The following FAM13B variants were observed in gnomAD, a reference collection of about 807,000 sequenced individuals.
The protein encoded by FAM13B is protein FAM13B.
In FAM13B, 60 loss-of-function variants were observed where a neutral mutation model predicts 117.3. The observed-to-expected ratio is 0.51, with a 90% CI of 0.42 to 0.63. The LOEUF (loss-of-function observed/expected upper bound fraction) is 0.63. Among genes scored for constraint, FAM13B ranks in the 30% least tolerant of loss-of-function variants. The pLI is 0.00. For missense variants in FAM13B, 972 were observed against 1,091.9 expected, an observed-to-expected ratio of 0.89 and a Z score of 1.55; for synonymous variants, 332 against 356.1, an observed-to-expected ratio of 0.93 and a Z score of 0.76.
In FAM13B at chr5:138,018,465, T is replaced by C. The variant is rs1403402296; in HGVS notation, c.207A>G (p.Thr69=). The C allele has an allele frequency of 3.1e-6, 5 of 1,614,188 alleles. No individual in the cohort carries two copies. Among genetic ancestry groups the C allele is most frequent in the Non-Finnish European group, 3.4e-6 (4 of 1,180,036 alleles). The change falls in exon 4 of 24, where the codon ACA becomes ACG. Residue 69 remains threonine (T), a synonymous_variant. Coordinates refer to ENST00000689681, the MANE Select transcript of FAM13B (RefSeq NM_001385994.1). ...CGTATCTCTGCCGAAGCCACTCCAC[T>C]GTCTCAGCATTTCCATTGACTTGAA... ...GLFQVNGNAE[T]VEWLRQRYDS...
At position 137,982,092 on chromosome 5, in the gene FAM13B, G is replaced by T. The variant is rs150920738; in HGVS notation, c.1179+3165C>A. ...GCACTGGAAGGTTTTAGGAAGAGAA[G>T]TGGCATTATCTAATTTTCCTCTTAA... On this transcript the variant is annotated intron_variant, in intron 10 of 23. Transcript: ENST00000689681. 7.4e-3 allele frequency among the ~76,000 whole-genome samples: 1,120 copies of T among 152,336 alleles called. 2 individuals are homozygous for T. The highest frequency in any genetic ancestry group is 0.012 in the Non-Finnish European group (785 of 68,038).
intron 1 of FAM13B, among the ~76,000 whole-genome samples, chr5:138,021,597 T>C (rs1356827124): frequency 6.6e-6 from 1 of 152,232 alleles, no homozygotes; most frequent in Admixed American, 6.5e-5. Flanking sequence ...AAAGATATGA[T>C]TTAAGCTTGC....
At chr5:138,014,200 G>A (rs758728120) in intron 4 of FAM13B, among the ~76,000 whole-genome samples, 1 of 152,214 alleles carries the variant, frequency 6.6e-6, no homozygotes, top group Non-Finnish European at 1.5e-5. Context: ...GCCTCCCAAA[G>A]TGCTGGGATT....
chr5:137,939,954 T>A lies in FAM13B; in HGVS notation c.*271A>T. The A allele has an allele frequency of 3.5e-6, 5 of 1,427,440 alleles. No homozygotes were observed. The highest frequency in any genetic ancestry group is 4.6e-6 in the Non-Finnish European group (5 of 1,088,836). 88.4% of individuals were successfully genotyped at this position (1,427,440 alleles called of 1,614,324 possible). A position where few individuals can be genotyped will look rare whatever the true frequency, so the allele number is the denominator to read the frequency against. ...AAATTCCAGTCTTTTGCTAAAAGGA[T>A]GTATCTGTAGTACAAAACAATGAAG... On this transcript the variant is annotated 3_prime_UTR_variant, in exon 24 of 24. Coordinates refer to ENST00000689681, the MANE Select transcript of FAM13B (RefSeq NM_001385994.1).
chr5:137,991,771 C>G (rs757680680), intron 7 of FAM13B, among the ~76,000 whole-genome samples: 2 of 152,046 alleles, frequency 1.3e-5, no homozygotes. Context: ...GAGATAAAAT[C>G]AATTCTGGGT....
chr5:137,975,001 G>A (rs1436739570), intron 10 of FAM13B, among the ~76,000 whole-genome samples: 2 of 151,770 alleles, frequency 1.3e-5, no homozygotes, highest in South Asian at 2.1e-4. Context: ...CATTTCTTAC[G>A]GTTTTTTCTG....
At chr5:138,010,518 T>C (rs1783709209) in intron 6 of FAM13B, among the ~76,000 whole-genome samples, 1 of 152,354 alleles carries the variant, frequency 6.6e-6, no homozygotes, top group South Asian at 2.1e-4. Context: ...GTCACCAGAA[T>C]TTAAAAATTA....
intron 7 of FAM13B, 108 bp from the exon 8 acceptor site, chr5:137,988,423 C>CATACT (rs1777779310): frequency 1.3e-6 from 1 of 758,008 alleles, no homozygotes; most frequent in African/African-American, 1.9e-5. Flanking sequence ...CAGGAGAGCA[C>CATACT]ATACTAAGTG....
chr5:138,010,094 C>T (rs1011982766), intron 6 of FAM13B, among the ~76,000 whole-genome samples: 4 of 152,164 alleles, frequency 2.6e-5, no homozygotes, highest in Admixed American at 2.6e-4. Context: ...AATTCTCCTG[C>T]CTCAGCCTCT....
chr5:137,957,665 T>A (rs573328031), intron 13 of FAM13B, among the ~76,000 whole-genome samples: 2 of 152,266 alleles, frequency 1.3e-5, no homozygotes, highest in South Asian at 4.1e-4. Flanking sequence ...CATGCACAGT[T>A]CATGGCTGGG....
intron 10 of FAM13B, among the ~76,000 whole-genome samples, chr5:137,975,678 T>A (rs915300918): frequency 8.7e-5 from 13 of 149,076 alleles, no homozygotes; most frequent in African/African-American, 3.1e-4. Context: ...CTTAAAAAAA[T>A]ATTCTATATA....
At position 138,011,793 on chromosome 5, in the gene FAM13B, C is replaced by T; in HGVS notation, c.523G>A (p.Ala175Thr). The change falls in exon 5 of 24, where the codon GCT becomes ACT. Residue 175 changes from alanine (A) to threonine (T), a missense_variant. Transcript: ENST00000689681. ...EEIWSANSLAAVFGPDVFHIY... is the reference protein window; with the variant it reads ...EEIWSANSLATVFGPDVFHIY... ...TGGAAGACATCTGGACCAAAGACAG[C>T]AGCCAAAGAATTTGCGGACCAAATT... 6.2e-7 allele frequency: 1 copy of T among 1,610,964 alleles called. No individual in the cohort carries two copies. The highest frequency in any genetic ancestry group is 1.3e-5 in the African/African-American group (1 of 74,694).
chr5:138,052,088 G>A (rs948768775), upstream of FAM13B: 3 of 151,964 alleles, frequency 2.0e-5, no homozygotes, highest in African/African-American at 7.3e-5. Flanking sequence ...GGAGACCTTG[G>A]ACCCATTCCA....
chr5:138,037,702 T>C (rs1039013836), upstream of FAM13B, among the ~76,000 whole-genome samples: 4 of 152,150 alleles, frequency 2.6e-5, no homozygotes, highest in African/African-American at 9.7e-5. Context: ...CTGATCTCCC[T>C]GAGCAAGGCT....
chr5:138,000,943 CA>C (rs77100079), intron 7 of FAM13B, among the ~76,000 whole-genome samples: 95,329 of 140,760 alleles, frequency 0.68, 33,125 homozygotes, highest in African/African-American at 0.72. Flanking sequence ...AAACAAAAAA[CA>C]AAAAAAAAAA....
Position 138,011,873 on chromosome 5 carries a change from C to T in FAM13B, c.443G>A (p.Ser148Asn). Residue 148 changes from serine to asparagine, a missense_variant, in exon 5 of 24, where the codon AGT becomes AAT. Physicochemically the swap from Ser to Asn is conservative, Grantham distance 46. Coordinates refer to ENST00000689681, the MANE Select transcript of FAM13B (RefSeq NM_001385994.1). ...AAATCTACACAGAAACTTTAACAAA[C>T]TATAATTAACAGGTGGAAGCTGTTG... ...LLQQLPPVNY[S>N]LLKFLCRFLA... The T allele has an allele frequency of 6.2e-7, 1 of 1,603,410 alleles. No homozygotes were observed. Among genetic ancestry groups the T allele is most frequent in the Non-Finnish European group, 8.5e-7 (1 of 1,177,060 alleles).
intron 2 of FAM13B, among the ~76,000 whole-genome samples, chr5:138,020,244 G>C (rs1415929653): frequency 6.6e-6 from 1 of 152,072 alleles, no homozygotes; most frequent in African/African-American, 2.4e-5. Context: ...ATTTTTAGTA[G>C]AGACGGGGTT....
chr5:137,946,525 C>T (rs1226518379), intron 18 of FAM13B: 1 of 455,450 alleles, frequency 2.2e-6, no homozygotes, highest in African/African-American at 2.0e-5. Flanking sequence ...TAAGTAGGTA[C>T]CAACCCCTTT....
chr5:138,021,186 TCAG>T lies in FAM13B; in HGVS notation c.-194_-192del. On this transcript the variant is annotated 5_prime_UTR_variant, in exon 2 of 24. Coordinates refer to ENST00000689681, the MANE Select transcript of FAM13B (RefSeq NM_001385994.1). Reference sequence around the variant, plus strand: ...AGAAATGCAGAACTCGATCAGTACTTCAGCAGTTAATCTACAAGACAAAAACAA... The same window carrying T: ...AGAAATGCAGAACTCGATCAGTACTTCAGTTAATCTACAAGACAAAAACAA... 1.6e-6 allele frequency: 2 copies of T among 1,231,652 alleles called. No homozygotes were observed. The highest frequency in any genetic ancestry group is 2.0e-6 in the Non-Finnish European group (2 of 987,904). The allele number at this position is 1,231,652 out of a possible 1,614,324, so 76.3% of individuals were successfully genotyped here.
Sources: allele counts gnomAD v4.1 joint callset (sites outside exome capture counted in the v4.1 genomes callset), GRCh38; gene constraint gnomAD v4.1.1; transcripts MANE v1.5; gene names NCBI Gene and HGNC (gene_info 2026-07-23, HGNC 2026-07-21).